Variants in DMTN observed in about 807,000 individuals in gnomAD.
DMTN encodes dematin.
Under a neutral mutation model 59.4 loss-of-function variants are expected in DMTN, and 27 were observed. That is an observed-to-expected ratio of 0.45 (90% confidence interval 0.33 to 0.63). The LOEUF is 0.63. Among genes scored for constraint, DMTN ranks in the 20% least tolerant of loss-of-function variants. The probability of loss-of-function intolerance (pLI) is 0.02; values close to 1 mark genes in which losing one functional copy is unlikely to be tolerated. For missense variants in DMTN, 451 were observed against 528.9 expected (o/e 0.85, Z 1.45); for synonymous variants, 221 against 203.7 (o/e 1.08, Z -0.72).
Position 22,080,350 on chromosome 8 carries a change from A to T in DMTN, c.901-62A>T, listed in dbSNP as rs1053337617. 3.1e-6 allele frequency: 5 copies of T among 1,613,418 alleles called. No individual in the cohort carries two copies. The African/African-American group carries it at 6.7e-5, about 22-fold the overall frequency. On this transcript the variant is annotated intron_variant, in intron 11 of 15. Coordinates refer to ENST00000358242, the MANE Select transcript of DMTN (RefSeq NM_001387751.1). Reference sequence around the variant, plus strand: ...CCCTCAGGGAGCGGGGAGACCCCCAAAGTGAAGGGGACCAAAGGTGAATAT... The same window carrying T: ...CCCTCAGGGAGCGGGGAGACCCCCATAGTGAAGGGGACCAAAGGTGAATAT...
chr8:22,072,883 C>T (rs1293666554), intron 9 of DMTN, among the ~76,000 whole-genome samples: 2 of 152,058 alleles, frequency 1.3e-5, no homozygotes, highest in Non-Finnish European at 2.9e-5. Flanking sequence ...CGCTTCTTGC[C>T]AAGACCCCAG....
chr8:22,070,443 T>A, intron 8 of DMTN, 109 bp downstream of exon 8: 1 of 1,362,184 alleles, frequency 7.3e-7, no homozygotes, highest in East Asian at 2.7e-5. Flanking sequence ...CCCTATGGTG[T>A]CCTCGTGGGC....
chr8:22,081,378 G>T lies in DMTN; in HGVS notation c.1133G>T (p.Arg378Met). 6.2e-7 allele frequency: 1 copy of T among 1,614,120 alleles called. No homozygotes were observed. The highest frequency in any genetic ancestry group is 8.5e-7 in the Non-Finnish European group (1 of 1,179,982). ...ERHLSAEDFS[R>M]VFAMSPEEFG... ...CATCTGTCTGCCGAGGACTTCTCAA[G>T]GGTATTTGCCATGTCCCCTGAAGAG... The change falls in exon 16 of 16, where the codon AGG (arginine) becomes ATG (methionine). Residue 378 changes from arginine to methionine, a missense_variant. Transcript: ENST00000358242.
chr8:22,049,403 G>A (rs1356161155), upstream of DMTN, among the ~76,000 whole-genome samples: 8 of 151,566 alleles, frequency 5.3e-5, no homozygotes, highest in Non-Finnish European at 1.2e-4. Flanking sequence ...GGCGAGAGGG[G>A]CGGGGAGGAA....
intron 1 of DMTN, among the ~76,000 whole-genome samples, chr8:22,057,661 G>A (rs933052049): frequency 6.6e-6 from 1 of 152,160 alleles, no homozygotes; most frequent in African/African-American, 2.4e-5. Flanking sequence ...GAAGAGTGAG[G>A]CTGTGGCAGG....
At chr8:22,063,762 T>A (rs1808329155) in intron 1 of DMTN, among the ~76,000 whole-genome samples, 1 of 152,166 alleles carries the variant, frequency 6.6e-6, no homozygotes, top group South Asian at 2.1e-4. Context: ...CCCTTTCCCC[T>A]CTCTTGACAC....
chr8:22,076,402 C>T (rs977029751), intron 10 of DMTN, among the ~76,000 whole-genome samples: 3 of 151,994 alleles, frequency 2.0e-5, no homozygotes, highest in African/African-American at 7.3e-5. Flanking sequence ...GTCAGGAGTT[C>T]AAGATCAGTC....
chr8:22,069,262 C>G, intron 5 of DMTN, 157 bp from the exon 6 acceptor site: 1 of 842,564 alleles, frequency 1.2e-6, no homozygotes, highest in Non-Finnish European at 1.8e-6. Context: ...CAGGCACCAT[C>G]AGTAGGTCCT....
At chr8:22,069,788 C>T (rs1195906191) in intron 6 of DMTN, 93 bp from the exon 7 acceptor site, 1 of 1,449,082 alleles carries the variant, frequency 6.9e-7, no homozygotes, top group African/African-American at 1.4e-5. Flanking sequence ...CAGTGAGTTC[C>T]CCACCTTGTC....
intron 10 of DMTN, among the ~76,000 whole-genome samples, chr8:22,075,719 A>C (rs552831075): frequency 1.8e-4 from 27 of 152,110 alleles, no homozygotes; most frequent in Admixed American, 1.6e-3. Context: ...GGGTTTCGCC[A>C]TGTTGGCCAG....
intron 5 of DMTN, 39 bp downstream of exon 5, chr8:22,069,099 C>CCTAA (rs1813100417): frequency 6.3e-7 from 1 of 1,598,196 alleles, no homozygotes; most frequent in Non-Finnish European, 8.5e-7. Context: ...CCTGCCCTGC[C>CCTAA]CTGAAGGGGA....
chr8:22,065,554 A>G (rs988785256), intron 1 of DMTN, among the ~76,000 whole-genome samples: 3 of 152,060 alleles, frequency 2.0e-5, no homozygotes, highest in African/African-American at 7.2e-5. Flanking sequence ...CAAAAGCAGG[A>G]AGGTAGGGCT....
intron 8 of DMTN, 43 bp from the exon 9 acceptor site, chr8:22,072,283 C>T: frequency 1.6e-5 from 25 of 1,568,982 alleles, no homozygotes; most frequent in Non-Finnish European, 2.2e-5. Flanking sequence ...ACACTGACCC[C>T]ATGGCGAGTG....
In DMTN at chr8:22,067,076, T is replaced by A; in HGVS notation, c.19-9T>A. The A allele has an allele frequency of 1.3e-6, 2 of 1,499,538 alleles. No individual in the cohort carries two copies. Among genetic ancestry groups the A allele is most frequent in the African/African-American group, 3.0e-5 (2 of 66,294 alleles). 92.9% of individuals were successfully genotyped at this position (1,499,538 alleles called of 1,614,324 possible). A position where few individuals can be genotyped will look rare whatever the true frequency, so the allele number is the denominator to read the frequency against. ...CGTGCCCACCCGCCCGCCTTCTCGC[T>A]CTCCCCAGCAACCACTTACCTCCCC... On this transcript the variant is annotated splice_polypyrimidine_tract_variant and intron_variant, in intron 2 of 15. Transcript: ENST00000358242.
chr8:22,076,166 T>C (rs1208181303), intron 10 of DMTN, among the ~76,000 whole-genome samples: 1 of 151,816 alleles, frequency 6.6e-6, no homozygotes, highest in Non-Finnish European at 1.5e-5. Flanking sequence ...ACATGTGGGG[T>C]TTGAAGTGCC....
chr8:22,077,288 C>T (rs1173706495), intron 10 of DMTN, among the ~76,000 whole-genome samples: 2 of 152,094 alleles, frequency 1.3e-5, no homozygotes, highest in Non-Finnish European at 2.9e-5. Context: ...GGAGCTGAGC[C>T]AAAGCCACAA....
rs979515394 is a variant in DMTN at position 22,081,343 on chromosome 8, C to T, written c.1105-7C>T. The stretch of plus-strand genomic sequence containing the variant: ...CCATGCTGAGCTGCCCCGATTCCCC[C>T]ATGTAGAGGCATCTGTCTGCCGAGG... On this transcript the variant is annotated splice_region_variant and splice_polypyrimidine_tract_variant and intron_variant, in intron 15 of 15. Coordinates refer to ENST00000358242, the MANE Select transcript of DMTN (RefSeq NM_001387751.1). The T allele has an allele frequency of 6.2e-7, 1 of 1,613,618 alleles. No individual in the cohort carries two copies. The highest frequency in any genetic ancestry group is 1.3e-5 in the African/African-American group (1 of 75,022).
chr8:22,056,147 C>T (rs562601338), upstream of DMTN, among the ~76,000 whole-genome samples: 10 of 152,266 alleles, frequency 6.6e-5, no homozygotes, highest in East Asian at 1.5e-3. Flanking sequence ...CCAGGGGTTA[C>T]CAGGCAGGAA....
chr8:22,050,888 G>T (rs1801285408), upstream of DMTN, among the ~76,000 whole-genome samples: 1 of 152,188 alleles, frequency 6.6e-6, no homozygotes, highest in South Asian at 2.1e-4. Context: ...TCAGGCTCTG[G>T]AAGTCTGTTC....
Sources: allele counts gnomAD v4.1 joint callset (sites outside exome capture counted in the v4.1 genomes callset), GRCh38; gene constraint gnomAD v4.1.1; transcripts MANE v1.5; gene names NCBI Gene and HGNC (gene_info 2026-07-23, HGNC 2026-07-21).